The following CACNA2D3 variants were observed in gnomAD, a reference collection of about 807,000 sequenced individuals.
CACNA2D3 encodes voltage-dependent calcium channel subunit alpha-2/delta-3.
In CACNA2D3, 60 loss-of-function variants were observed where a neutral mutation model predicts 160.6. That is an observed-to-expected ratio of 0.37 (90% CI 0.30 to 0.46). CACNA2D3 has a LOEUF of 0.46. CACNA2D3 is among the 20% of genes least tolerant of loss of function. The pLI, the probability that CACNA2D3 is intolerant of heterozygous loss-of-function variation, is 1.00. For synonymous variants in CACNA2D3, 558 were observed against 492.9 expected (o/e 1.13, Z -1.75); for missense variants, 1,205 against 1,365.0 (o/e 0.88, Z 1.85).
Position 54,249,087 on chromosome 3 carries a change from A to G in CACNA2D3, c.205-71355A>G, listed in dbSNP as rs149641909. ...AAGTTACGGGATATCAAGGAGAAGAATAAACAGCATGGAGAGACTTTGCAT... is the reference window on the plus strand; with the variant it reads ...AAGTTACGGGATATCAAGGAGAAGAGTAAACAGCATGGAGAGACTTTGCAT... On this transcript the variant is annotated intron_variant, in intron 2 of 37. Transcript: ENST00000474759. Among the ~76,000 whole-genome samples the G allele has an allele frequency of 4.7e-3, 720 of 152,302 alleles. 4 individuals carry two copies. The highest frequency in any genetic ancestry group is 0.016 in the African/African-American group (677 of 41,564).
rs113843302 is a variant in CACNA2D3, at chr3:54,292,963, GA to G, written c.205-27478del. Among the ~76,000 whole-genome samples the G allele has an allele frequency of 9.7e-3, 1,481 of 152,244 alleles. 27 individuals carry two copies. Among genetic ancestry groups the G allele is most frequent in the East Asian group, 0.062 (322 of 5,170 alleles). On this transcript the variant is annotated intron_variant, in intron 2 of 37. Coordinates refer to ENST00000474759, the MANE Select transcript of CACNA2D3 (RefSeq NM_018398.3). ...ACAGATGAGTGAATTAATAAAATGT[GA>G]TATATGCATACAATGGAATTTTCAA... is the stretch of plus-strand genomic sequence containing the variant.
intron 10 of CACNA2D3, among the ~76,000 whole-genome samples, chr3:54,629,574 G>C (rs1699189956): frequency 6.6e-6 from 1 of 152,146 alleles, no homozygotes; most frequent in South Asian, 2.1e-4. Flanking sequence ...GGGGCTGTTG[G>C]CTACAGGATG....
At chr3:55,069,147 T>C (rs763998334) in intron 35 of CACNA2D3, among the ~76,000 whole-genome samples, 1 of 152,222 alleles carries the variant, frequency 6.6e-6, no homozygotes, top group Non-Finnish European at 1.5e-5. Context: ...ATGAATTGTC[T>C]CACGAGTTTC....
intron 2 of CACNA2D3, among the ~76,000 whole-genome samples, chr3:54,128,183 C>G (rs1334843961): frequency 6.6e-6 from 1 of 152,142 alleles, no homozygotes; most frequent in East Asian, 1.9e-4. Flanking sequence ...AATTCTAACA[C>G]TACTGCAATT....
intron 12 of CACNA2D3, among the ~76,000 whole-genome samples, chr3:54,757,800 T>G (rs1457576329): frequency 6.6e-6 from 1 of 152,184 alleles, no homozygotes; most frequent in Non-Finnish European, 1.5e-5. Context: ...AGAAGGAAAC[T>G]GAGGCTGAGC....
intron 5 of CACNA2D3, among the ~76,000 whole-genome samples, chr3:54,515,791 GA>G (rs1701540678): frequency 6.6e-6 from 1 of 152,152 alleles, no homozygotes; most frequent in Admixed American, 6.5e-5. Context: ...CTGCACTTGG[GA>G]AAAAAATATG....
intron 4 of CACNA2D3, among the ~76,000 whole-genome samples, chr3:54,487,684 G>A (rs977141122): frequency 5.9e-5 from 9 of 152,268 alleles, no homozygotes; most frequent in African/African-American, 1.9e-4. Context: ...AATTTTAAAC[G>A]CTTTAGATAT....
intron 13 of CACNA2D3, among the ~76,000 whole-genome samples, chr3:54,801,399 T>C (rs913354223): frequency 1.3e-5 from 2 of 152,138 alleles, no homozygotes; most frequent in South Asian, 4.2e-4. Context: ...TTGAGAGTAT[T>C]TGGACTGAAA....
chr3:54,206,273 G>T (rs1415593889), intron 2 of CACNA2D3, among the ~76,000 whole-genome samples: 1 of 152,168 alleles, frequency 6.6e-6, no homozygotes, highest in Non-Finnish European at 1.5e-5. Context: ...GCTGGCTGAG[G>T]GTCCTGAGGC....
In CACNA2D3 at chr3:54,899,873, A is replaced by C; in HGVS notation, c.2449+5A>C. 6.3e-7 allele frequency: 1 copy of C among 1,584,002 alleles called. No homozygotes were observed. The highest frequency in any genetic ancestry group is 1.8e-5 in the Admixed American group (1 of 56,832). On this transcript the variant is annotated splice_donor_5th_base_variant and intron_variant, in intron 27 of 37. Coordinates refer to ENST00000474759, the MANE Select transcript of CACNA2D3 (RefSeq NM_018398.3). Reference sequence around the variant, plus strand: ...GGAAATCTCCTGTGGTGGCAGGTAAATAATTGATTGAATCCATGAAGACAA... The same window carrying C: ...GGAAATCTCCTGTGGTGGCAGGTAACTAATTGATTGAATCCATGAAGACAA...
At chr3:55,039,486 C>G (rs536908338) in intron 35 of CACNA2D3, among the ~76,000 whole-genome samples, 4 of 152,178 alleles carry the variant, frequency 2.6e-5, no homozygotes, top group Admixed American at 2.0e-4. Flanking sequence ...CCTGTGTACC[C>G]ATATGCAGCT....
At chr3:54,688,979 CAAA>C (rs1162900126) in intron 11 of CACNA2D3, among the ~76,000 whole-genome samples, 31 of 31,432 alleles carry the variant, frequency 9.9e-4, no homozygotes, top group East Asian at 2.8e-3. Context: ...GAGACTGTCT[CAAA>C]AAAAAAAAAA....
At chr3:54,970,230 C>T (rs1031635787) in intron 29 of CACNA2D3, among the ~76,000 whole-genome samples, 1 of 152,094 alleles carries the variant, frequency 6.6e-6, no homozygotes, top group Non-Finnish European at 1.5e-5. Flanking sequence ...GTTGACCCAT[C>T]TTGCAGATAA....
chr3:54,204,525 G>A (rs1251319051), intron 2 of CACNA2D3, among the ~76,000 whole-genome samples: 1 of 151,874 alleles, frequency 6.6e-6, no homozygotes, highest in Non-Finnish European at 1.5e-5. Flanking sequence ...GGCCAGGCAC[G>A]GTGGCTCACG....
intron 13 of CACNA2D3, among the ~76,000 whole-genome samples, chr3:54,771,352 A>G (rs1051277505): frequency 6.6e-6 from 1 of 152,208 alleles, no homozygotes; most frequent in South Asian, 2.1e-4. Context: ...CCAGGTTGCC[A>G]TGGATCAAAA....
At chr3:54,873,388 TA>T (rs1477584119) in intron 18 of CACNA2D3, among the ~76,000 whole-genome samples, 4 of 145,908 alleles carry the variant, frequency 2.7e-5, no homozygotes, top group African/African-American at 8.4e-5. Context: ...TCTGTTGATT[TA>T]TTTTTTTTGT....
intron 35 of CACNA2D3, among the ~76,000 whole-genome samples, chr3:55,040,466 A>G (rs917860190): frequency 2.6e-5 from 4 of 152,166 alleles, no homozygotes; most frequent in Non-Finnish European, 5.9e-5. Flanking sequence ...AATTCTTTGT[A>G]GTTTTTTTAT....
At position 54,370,711 on chromosome 3, in the gene CACNA2D3, G is replaced by A. The variant is rs1283805182; in HGVS notation, c.322-16004G>A. On this transcript the variant is annotated intron_variant, in intron 3 of 37. Transcript: ENST00000474759. Reference sequence around the variant, plus strand: ...TTTTGGTAACAGTTTTATTGAAATAGTCACATAGCATATAATTTTTCCATT... The same window carrying A: ...TTTTGGTAACAGTTTTATTGAAATAATCACATAGCATATAATTTTTCCATT... 2.6e-5 allele frequency among the ~76,000 whole-genome samples: 4 copies of A among 151,706 alleles called. No individual in the cohort carries two copies. The South Asian group carries it at 6.2e-4, about 24-fold the overall frequency.
At chr3:54,237,898 C>T (rs1265961628) in intron 2 of CACNA2D3, among the ~76,000 whole-genome samples, 3 of 152,200 alleles carry the variant, frequency 2.0e-5, no homozygotes, top group East Asian at 1.9e-4. Context: ...TTAGGAAATG[C>T]GAAACCAAGT....
Sources: gnomAD v4.1 joint callset for allele counts (sites outside exome capture counted in the v4.1 genomes callset) on GRCh38, gnomAD v4.1.1 for gene constraint, MANE v1.5 for transcripts, NCBI Gene and HGNC (gene_info 2026-07-23, HGNC 2026-07-21) for gene names.